Variants in ANO2 observed in about 807,000 individuals in gnomAD.
ANO2 encodes anoctamin 2, also known as anoctamin-2.
Under a neutral mutation model 124.2 loss-of-function variants are expected in ANO2, and 101 were observed. That is an observed-to-expected ratio of 0.81 (90% confidence interval 0.69 to 0.96). The LOEUF is 0.96. Ranked by LOEUF, ANO2 falls within the 40% of genes least tolerant of loss-of-function variation. The pLI is 0.00. For synonymous variants in ANO2, 486 were observed against 482.5 expected (o/e 1.01, Z -0.09); for missense variants, 1,293 against 1,274.5 (o/e 1.01, Z -0.22).
intron 9 of ANO2, among the ~76,000 whole-genome samples, chr12:5,804,769 C>T (rs918044195): frequency 3.3e-5 from 5 of 152,190 alleles, no homozygotes; most frequent in Admixed American, 3.3e-4. Context: ...CCACAATTTA[C>T]TTCTTCCATT....
chr12:5,863,539 T>C (rs1300105940), intron 3 of ANO2, among the ~76,000 whole-genome samples: 2 of 152,178 alleles, frequency 1.3e-5, no homozygotes, highest in African/African-American at 4.8e-5. Flanking sequence ...TAATTAATAA[T>C]AATACCACTT....
chr12:5,692,599 C>A (rs1211056094), intron 14 of ANO2, among the ~76,000 whole-genome samples: 1 of 152,154 alleles, frequency 6.6e-6, no homozygotes, highest in Non-Finnish European at 1.5e-5. Flanking sequence ...TGGCAAGAAT[C>A]TAAGTTCAGG....
At chr12:5,614,277 A>G (rs10849302) in intron 17 of ANO2, among the ~76,000 whole-genome samples, 106,768 of 152,012 alleles carry the variant, frequency 0.7, 37,599 homozygotes, top group East Asian at 0.8. Flanking sequence ...CCATAGGAGT[A>G]TCTTTGTTAT....
At chr12:5,672,100 T>C (rs1483716930) in intron 14 of ANO2, among the ~76,000 whole-genome samples, 1 of 152,142 alleles carries the variant, frequency 6.6e-6, no homozygotes, top group Non-Finnish European at 1.5e-5. Flanking sequence ...AAGCTCTATC[T>C]CGGTCTGCAG....
intron 9 of ANO2, among the ~76,000 whole-genome samples, chr12:5,804,740 C>A (rs570793055): frequency 1.1e-4 from 17 of 152,256 alleles, no homozygotes; most frequent in Middle Eastern, 3.4e-3. Context: ...ATATCTACAA[C>A]ATATATATTG....
In ANO2 at chr12:5,916,492, T is replaced by TAA. The variant is rs57056611; in HGVS notation, c.534+4546_534+4547dup. ...TCTGAATAGAAAAATCGCAGCAGGT[T>TAA]AAAAAAAAAAAAAAAAAAAAAGGCA... On this transcript the variant is annotated intron_variant, in intron 3 of 24. Transcript: ENST00000682330. Among the ~76,000 whole-genome samples, 694 of 93,102 alleles carry TAA rather than the reference T, an allele frequency of 7.5e-3. 13 individuals carry two copies. Among genetic ancestry groups the TAA allele is most frequent in the African/African-American group, 0.023 (521 of 23,096 alleles). 61.1% of individuals were successfully genotyped at this position (93,102 alleles called of 152,430 possible).
chr12:5,570,329 C>T lies in ANO2; in HGVS notation c.2622-4666G>A, dbSNP rs141938947. On this transcript the variant is annotated intron_variant, in intron 23 of 24. Coordinates refer to ENST00000682330, the MANE Select transcript of ANO2 (RefSeq NM_001364791.2). ...TTCACCCGTAAGTATCACCCTATTA[C>T]TGTTGGAAGGATGCCTGGGGTTGGG... 5.7e-3 allele frequency among the ~76,000 whole-genome samples: 871 copies of T among 152,156 alleles called. 7 individuals are homozygous for T. The highest frequency in any genetic ancestry group is 0.01 in the Non-Finnish European group (711 of 68,016).
chr12:5,929,966 T>C (rs547925999), intron 1 of ANO2, among the ~76,000 whole-genome samples: 56 of 146,354 alleles, frequency 3.8e-4, no homozygotes, highest in Non-Finnish European at 5.4e-4. Context: ...AGTCACTTTC[T>C]TACCAGTCTT....
intron 22 of ANO2, among the ~76,000 whole-genome samples, chr12:5,577,376 G>C (rs1307683334): frequency 6.6e-6 from 1 of 152,242 alleles, no homozygotes; most frequent in African/African-American, 2.4e-5. Context: ...TGTCCTTAGA[G>C]AATACAGCAG....
rs61192609 is a variant in ANO2 at position 5,850,555 on chromosome 12, G to A, written c.633+3488C>T. 8.4e-3 allele frequency among the ~76,000 whole-genome samples: 1,281 copies of A among 152,226 alleles called. 21 individuals carry two copies. The highest frequency in any genetic ancestry group is 0.028 in the African/African-American group (1,153 of 41,520). On this transcript the variant is annotated intron_variant, in intron 4 of 24. Transcript: ENST00000682330. Reference sequence around the variant, plus strand: ...TTCTTTCTGTTTTATCTGCAGCCTTGGGGGGCAATCACATGCTTTGCCTCT... The same window carrying A: ...TTCTTTCTGTTTTATCTGCAGCCTTAGGGGGCAATCACATGCTTTGCCTCT...
chr12:5,823,127 C>T (rs1953858692), intron 7 of ANO2, among the ~76,000 whole-genome samples: 1 of 152,178 alleles, frequency 6.6e-6, no homozygotes, highest in Non-Finnish European at 1.5e-5. Flanking sequence ...ATCATTCCAC[C>T]TCTGGCTCTT....
At chr12:5,566,874 C>G (rs1861583) in intron 23 of ANO2, among the ~76,000 whole-genome samples, 4 of 152,084 alleles carry the variant, frequency 2.6e-5, no homozygotes, top group African/African-American at 7.2e-5. Flanking sequence ...TACCAGTGAC[C>G]GCAGTTTAGG....
Position 5,598,114 on chromosome 12 carries a change from C to T in ANO2, c.2233+1370G>A, listed in dbSNP as rs116336925. On this transcript the variant is annotated intron_variant, in intron 20 of 24. Coordinates refer to ENST00000682330, the MANE Select transcript of ANO2 (RefSeq NM_001364791.2). Reference sequence around the variant, plus strand: ...CACTGCTAACAAACACATGCAATTTCCTATAACAGAATAGGAGGAATGCCC... The same window carrying T: ...CACTGCTAACAAACACATGCAATTTTCTATAACAGAATAGGAGGAATGCCC... Among the ~76,000 whole-genome samples, 672 of 152,238 alleles carry T rather than the reference C, an allele frequency of 4.4e-3. 6 individuals are homozygous for T. Among genetic ancestry groups the T allele is most frequent in the African/African-American group, 0.014 (599 of 41,546 alleles).
At chr12:5,679,107 C>T (rs1387496784) in intron 14 of ANO2, among the ~76,000 whole-genome samples, 1 of 152,300 alleles carries the variant, frequency 6.6e-6, no homozygotes, top group Non-Finnish European at 1.5e-5. Context: ...AAGTAAGAGT[C>T]CTTCCTTACA....
At chr12:5,774,959 C>A (rs1296874226) in intron 10 of ANO2, among the ~76,000 whole-genome samples, 1 of 152,180 alleles carries the variant, frequency 6.6e-6, no homozygotes, top group Non-Finnish European at 1.5e-5. Context: ...AGAAAAAGAA[C>A]ATTTATTGAG....
At chr12:5,807,574 T>C (rs1190849338) in intron 7 of ANO2, among the ~76,000 whole-genome samples, 2 of 152,244 alleles carry the variant, frequency 1.3e-5, no homozygotes, top group Non-Finnish European at 2.9e-5. Flanking sequence ...TACAAAATTA[T>C]GTTTTAATAT....
chr12:5,778,067 A>G (rs184804208), intron 10 of ANO2, among the ~76,000 whole-genome samples: 1 of 152,244 alleles, frequency 6.6e-6, no homozygotes, highest in Admixed American at 6.5e-5. Context: ...CCCAGTTGTA[A>G]TCCACTGTTA....
At chr12:5,797,685 C>A (rs1278241622) in intron 10 of ANO2, among the ~76,000 whole-genome samples, 1 of 152,160 alleles carries the variant, frequency 6.6e-6, no homozygotes, top group Non-Finnish European at 1.5e-5. Flanking sequence ...TGGCTCCCCA[C>A]ACACATGCTG....
chr12:5,931,813 G>GGT (rs1942404971), intron 1 of ANO2, among the ~76,000 whole-genome samples: 1 of 137,244 alleles, frequency 7.3e-6, no homozygotes, highest in Non-Finnish European at 1.6e-5. Flanking sequence ...GAGGAAAGAA[G>GGT]ATAGACTAGT....
Sources: gnomAD v4.1 joint callset for allele counts (sites outside exome capture counted in the v4.1 genomes callset) on GRCh38, gnomAD v4.1.1 for gene constraint, MANE v1.5 for transcripts, NCBI Gene and HGNC (gene_info 2026-07-23, HGNC 2026-07-21) for gene names.